Variants in SEMA6D observed in about 807,000 individuals in gnomAD.
The protein encoded by SEMA6D is semaphorin-6D.
In SEMA6D, 35 loss-of-function variants were observed where a neutral mutation model predicts 106.6. The ratio of observed to expected loss-of-function variants is 0.33; its 90% CI spans 0.25 to 0.44. SEMA6D has a LOEUF of 0.44. Ranked by LOEUF, SEMA6D falls within the 20% of genes least tolerant of loss-of-function variation. SEMA6D has a pLI of 1.00. For synonymous variants in SEMA6D, 499 were observed against 487.7 expected (o/e 1.02, Z -0.31); for missense variants, 1,185 against 1,345.9 (o/e 0.88, Z 1.87).
intron 4 of SEMA6D, among the ~76,000 whole-genome samples, chr15:47,697,879 G>A (rs1003729234): frequency 1.3e-5 from 2 of 152,174 alleles, no homozygotes; most frequent in African/African-American, 4.8e-5. Context: ...AACATTTGTT[G>A]GAAAATACTG....
chr15:47,355,891 T>G (rs1322913111), intron 1 of SEMA6D, among the ~76,000 whole-genome samples: 1 of 152,202 alleles, frequency 6.6e-6, no homozygotes, highest in Non-Finnish European at 1.5e-5. Flanking sequence ...AACATTTTGT[T>G]GTTTTAAATT....
intron 2 of SEMA6D, among the ~76,000 whole-genome samples, chr15:47,418,508 G>T (rs2041050983): frequency 6.6e-6 from 1 of 152,084 alleles, no homozygotes; most frequent in South Asian, 2.1e-4. Context: ...CATGGTGAGA[G>T]AGGCGGTAAA....
intron 1 of SEMA6D, among the ~76,000 whole-genome samples, chr15:47,256,677 G>C (rs2033819584): frequency 6.6e-6 from 1 of 151,990 alleles, no homozygotes; most frequent in Non-Finnish European, 1.5e-5. Flanking sequence ...TGACCAACAT[G>C]GTGAAACCCT....
chr15:47,348,552 A>G (rs2038136785), intron 1 of SEMA6D, among the ~76,000 whole-genome samples: 1 of 151,972 alleles, frequency 6.6e-6, no homozygotes, highest in Non-Finnish European at 1.5e-5. Context: ...GGAAAATTCT[A>G]CTTAATCTGT....
At chr15:47,478,300 G>A (rs2043055095) in intron 3 of SEMA6D, among the ~76,000 whole-genome samples, 1 of 152,054 alleles carries the variant, frequency 6.6e-6, no homozygotes, top group African/African-American at 2.4e-5. Context: ...TCTGTAGATG[G>A]GCAAAGAATG....
chr15:47,691,065 A>G (rs1459419920), intron 4 of SEMA6D, among the ~76,000 whole-genome samples: 2 of 152,146 alleles, frequency 1.3e-5, no homozygotes, highest in East Asian at 3.9e-4. Context: ...CATTTTTGCA[A>G]AGGATACCAA....
intron 4 of SEMA6D, among the ~76,000 whole-genome samples, chr15:47,699,982 A>T (rs918668538): frequency 3.3e-5 from 5 of 152,362 alleles, no homozygotes; most frequent in Non-Finnish European, 7.3e-5. Flanking sequence ...CCTATATATC[A>T]GCAATAAGAA....
intron 1 of SEMA6D, among the ~76,000 whole-genome samples, chr15:47,724,549 A>G (rs2079617567): frequency 6.6e-6 from 1 of 150,700 alleles, no homozygotes; most frequent in African/African-American, 2.4e-5. Context: ...ACTAGGTAGG[A>G]TTTGGACAGG....
At chr15:47,411,356 A>C (rs982612432) in intron 1 of SEMA6D, among the ~76,000 whole-genome samples, 2 of 151,896 alleles carry the variant, frequency 1.3e-5, no homozygotes, top group African/African-American at 4.8e-5. Flanking sequence ...CAGCCTCCCA[A>C]AGTGCTGGGA....
chr15:47,761,785 T>A, intron 7 of SEMA6D, 34 bp downstream of exon 7: 1 of 1,509,930 alleles, frequency 6.6e-7, no homozygotes, highest in Non-Finnish European at 9.1e-7. Flanking sequence ...TATAAATGAT[T>A]AATGACATTG....
intron 3 of SEMA6D, among the ~76,000 whole-genome samples, chr15:47,595,587 T>A (rs1211613581): frequency 6.6e-6 from 1 of 152,208 alleles, no homozygotes; most frequent in African/African-American, 2.4e-5. Context: ...ATCAGAGTAA[T>A]GCTGGCCTCA....
At chr15:47,302,829 T>C (rs903685451) in intron 1 of SEMA6D, among the ~76,000 whole-genome samples, 14 of 152,202 alleles carry the variant, frequency 9.2e-5, no homozygotes, top group Non-Finnish European at 1.9e-4. Context: ...TGATTTTAGC[T>C]TGGAGAGACC....
chr15:47,537,712 A>C (rs1203193379), intron 3 of SEMA6D, among the ~76,000 whole-genome samples: 2 of 152,002 alleles, frequency 1.3e-5, no homozygotes, highest in Non-Finnish European at 2.9e-5. Context: ...ACCAATCATG[A>C]AGCTTGATGA....
At chr15:47,461,045 CCTT>C (rs1409018039) in intron 2 of SEMA6D, among the ~76,000 whole-genome samples, 7 of 152,100 alleles carry the variant, frequency 4.6e-5, no homozygotes, top group African/African-American at 1.7e-4. Context: ...GCCCTCCTGA[CCTT>C]CTTTTTGCTC....
At chr15:47,651,760 C>T (rs1233834541) in intron 4 of SEMA6D, among the ~76,000 whole-genome samples, 15 of 152,272 alleles carry the variant, frequency 9.9e-5, no homozygotes, top group Non-Finnish European at 2.9e-5. Context: ...CCTTTTGTGC[C>T]CTGCACATTT....
chr15:47,254,272 C>T (rs2069007377), intron 1 of SEMA6D, among the ~76,000 whole-genome samples: 1 of 148,124 alleles, frequency 6.8e-6, no homozygotes, highest in South Asian at 2.1e-4. Context: ...TATATACACA[C>T]ACATATATGA....
At chr15:47,366,714 T>C (rs1383746461) in intron 1 of SEMA6D, among the ~76,000 whole-genome samples, 1 of 152,116 alleles carries the variant, frequency 6.6e-6, no homozygotes, top group Non-Finnish European at 1.5e-5. Context: ...AAGACGTAAG[T>C]TTATAAAGAG....
intron 4 of SEMA6D, among the ~76,000 whole-genome samples, chr15:47,634,677 C>A (rs1023987868): frequency 4.6e-5 from 7 of 152,144 alleles, no homozygotes; most frequent in African/African-American, 1.7e-4. Context: ...GAGGCTCAAC[C>A]CACCACTAGA....
chr15:47,768,815 T>TC (rs2082483918), intron 18 of SEMA6D, 67 bp downstream of exon 18: 2 of 1,458,630 alleles, frequency 1.4e-6, no homozygotes. Flanking sequence ...CACTGAGGAG[T>TC]ATGTGGTTCT....
Sources: allele counts gnomAD v4.1 joint callset (sites outside exome capture counted in the v4.1 genomes callset), GRCh38; gene constraint gnomAD v4.1.1; transcripts MANE v1.5; gene names NCBI Gene and HGNC (gene_info 2026-07-23, HGNC 2026-07-21).